The following GPC6 variants were observed in gnomAD, a reference collection of about 807,000 sequenced individuals.
GPC6 encodes the protein glypican-6.
GPC6 carries 14 observed loss-of-function variants against 55.2 expected under a neutral mutation model. The ratio of observed to expected loss-of-function variants is 0.25; its 90% confidence interval spans 0.17 to 0.40. The LOEUF (loss-of-function observed/expected upper bound fraction) is 0.40, where lower values mean the gene tolerates loss of function less well. GPC6 is among the 10% of genes least tolerant of loss of function. The pLI, the probability that GPC6 is intolerant of heterozygous loss-of-function variation, is 1.00. For missense variants in GPC6, 641 were observed against 708.5 expected, an observed-to-expected ratio of 0.90 and a Z score of 1.08; for synonymous variants, 278 against 259.6, an observed-to-expected ratio of 1.07 and a Z score of -0.68.
chr13:94,062,146 T>A (rs1369177070), intron 4 of GPC6, among the ~76,000 whole-genome samples: 1 of 152,236 alleles, frequency 6.6e-6, no homozygotes, highest in East Asian at 1.9e-4. Flanking sequence ...TTTTTTCGTT[T>A]GTTTTGTCCA....
intron 2 of GPC6, among the ~76,000 whole-genome samples, chr13:93,696,565 CAAA>C (rs977590575): frequency 4.8e-5 from 7 of 146,504 alleles, no homozygotes; most frequent in African/African-American, 1.8e-4. Context: ...AAAACAAAAA[CAAA>C]AAACAAACAA....
intron 2 of GPC6, among the ~76,000 whole-genome samples, chr13:93,739,211 C>G (rs1052122574): frequency 2.6e-5 from 4 of 152,068 alleles, no homozygotes; most frequent in Admixed American, 1.3e-4. Context: ...CCACAATGGA[C>G]TTTCCCTACC....
At chr13:94,161,434 A>G (rs1373234941) in intron 4 of GPC6, among the ~76,000 whole-genome samples, 2 of 152,186 alleles carry the variant, frequency 1.3e-5, no homozygotes, top group African/African-American at 4.8e-5. Context: ...CTTTTGCTGT[A>G]TACAGTTAAG....
chr13:93,599,294 A>C (rs1005997063), intron 2 of GPC6, among the ~76,000 whole-genome samples: 10 of 152,138 alleles, frequency 6.6e-5, no homozygotes, highest in African/African-American at 2.4e-4. Flanking sequence ...GGTAAAAAAA[A>C]AAAAAAAGAG....
At chr13:94,138,494 G>T (rs1887262862) in intron 4 of GPC6, among the ~76,000 whole-genome samples, 1 of 152,072 alleles carries the variant, frequency 6.6e-6, no homozygotes, top group Non-Finnish European at 1.5e-5. Context: ...CATAAACTTT[G>T]ACCTGGGTGG....
At chr13:94,279,012 T>C (rs1335226512) in intron 4 of GPC6, among the ~76,000 whole-genome samples, 2 of 152,230 alleles carry the variant, frequency 1.3e-5, no homozygotes, top group African/African-American at 4.8e-5. Context: ...GAAAGAATGG[T>C]ACCAGATCCT....
chr13:93,266,498 G>A (rs916995657), intron 1 of GPC6, among the ~76,000 whole-genome samples: 5 of 152,038 alleles, frequency 3.3e-5, no homozygotes, highest in African/African-American at 7.2e-5. Context: ...GACCCAGTAC[G>A]TTCATTAATA....
chr13:93,613,527 CAAA>C (rs1189596849), intron 2 of GPC6, among the ~76,000 whole-genome samples: 3 of 119,590 alleles, frequency 2.5e-5, no homozygotes, highest in African/African-American at 1.2e-4. Context: ...CACACACACA[CAAA>C]ACACACACAC....
chr13:93,978,839 C>G (rs747771868), intron 3 of GPC6, among the ~76,000 whole-genome samples: 2 of 152,128 alleles, frequency 1.3e-5, no homozygotes. Context: ...TACTGACTCC[C>G]TCACCAGATC....
At chr13:93,740,971 G>GT (rs1372680553) in intron 2 of GPC6, among the ~76,000 whole-genome samples, 9 of 151,982 alleles carry the variant, frequency 5.9e-5, no homozygotes, top group African/African-American at 9.6e-5. Context: ...TTTTTCATTA[G>GT]TTTTTTTATA....
intron 1 of GPC6, among the ~76,000 whole-genome samples, chr13:93,416,534 G>A (rs938478622): frequency 2.6e-5 from 4 of 152,114 alleles, no homozygotes; most frequent in Admixed American, 2.0e-4. Context: ...TTGATCATTT[G>A]TGTTAGCAAT....
intron 4 of GPC6, among the ~76,000 whole-genome samples, chr13:94,178,751 C>G (rs1333250): frequency 0.26 from 39,427 of 152,082 alleles, 5,783 homozygotes; most frequent in South Asian, 0.39. Context: ...CAGCAGTTCT[C>G]AGAGTCCCAC....
intron 3 of GPC6, among the ~76,000 whole-genome samples, chr13:93,934,709 C>A (rs1272914130): frequency 6.6e-6 from 1 of 150,896 alleles, no homozygotes; most frequent in African/African-American, 2.5e-5. Context: ...TAATATGTGA[C>A]CATAGTGTCT....
chr13:93,801,055 C>T (rs1886352793), intron 2 of GPC6, among the ~76,000 whole-genome samples: 1 of 152,218 alleles, frequency 6.6e-6, no homozygotes, highest in South Asian at 2.1e-4. Context: ...GCCAACAGAT[C>T]GATAGAGACT....
At chr13:93,481,136 G>A (rs1401594188) in intron 1 of GPC6, among the ~76,000 whole-genome samples, 1 of 152,138 alleles carries the variant, frequency 6.6e-6, no homozygotes, top group East Asian at 1.9e-4. Context: ...CATCGCAGTG[G>A]TCGTAAAGTG....
At chr13:93,354,600 G>A (rs1178500232) in intron 1 of GPC6, among the ~76,000 whole-genome samples, 1 of 149,492 alleles carries the variant, frequency 6.7e-6, no homozygotes, top group African/African-American at 2.5e-5. Flanking sequence ...TCCTGACCTC[G>A]TGATCCGCCC....
intron 3 of GPC6, among the ~76,000 whole-genome samples, chr13:93,940,932 G>A (rs1249150376): frequency 6.6e-6 from 1 of 152,162 alleles, no homozygotes; most frequent in Non-Finnish European, 1.5e-5. Flanking sequence ...CTGAATGATA[G>A]CTGTACATTC....
chr13:93,562,492 A>G (rs1390164882), intron 2 of GPC6, among the ~76,000 whole-genome samples: 3 of 152,162 alleles, frequency 2.0e-5, no homozygotes, highest in Non-Finnish European at 4.4e-5. Flanking sequence ...CTCTATCTCA[A>G]AAGATTAAAA....
intron 2 of GPC6, among the ~76,000 whole-genome samples, chr13:93,725,072 T>G (rs1226854067): frequency 6.6e-6 from 1 of 152,094 alleles, no homozygotes; most frequent in Non-Finnish European, 1.5e-5. Flanking sequence ...TCTTAAATCC[T>G]GTGTTGTTTA....
Sources: allele counts gnomAD v4.1 joint callset (sites outside exome capture counted in the v4.1 genomes callset), GRCh38; gene constraint gnomAD v4.1.1; transcripts MANE v1.5; gene names NCBI Gene and HGNC (gene_info 2026-07-23, HGNC 2026-07-21).